Variants in AKIRIN1 observed in about 807,000 individuals in gnomAD.
AKIRIN1 encodes akirin 1.
AKIRIN1 carries 4 observed loss-of-function variants against 25.9 expected under a neutral mutation model. The ratio of observed to expected loss-of-function variants is 0.15; its 90% CI spans 0.08 to 0.35. The LOEUF is 0.35. Ranked by LOEUF, AKIRIN1 falls within the 10% of genes least tolerant of loss-of-function variation. The pLI is 1.00. For missense variants in AKIRIN1, 243 were observed against 266.1 expected (o/e 0.91, Z 0.61); for synonymous variants, 125 against 105.1 (o/e 1.19, Z -1.16).
rs1287827172 is a variant in AKIRIN1 at position 39,005,655 on chromosome 1, G to T, written c.*1600G>T. The T allele has an allele frequency of 6.6e-6, 1 of 152,074 alleles. No homozygotes were observed. Among genetic ancestry groups the T allele is most frequent in the Admixed American group, 6.5e-5 (1 of 15,268 alleles). The allele number at this position is 152,074 out of a possible 1,614,324, so 9.4% of individuals were successfully genotyped here. On this transcript the variant is annotated 3_prime_UTR_variant, in exon 5 of 5. Transcript: ENST00000432648. ...ATTAGGGCTTATTTTGAAAAATTCT[G>T]AGTTTAATTCAAATGTATGCCAATA... is the stretch of plus-strand genomic sequence containing the variant.
At chr1:38,991,651 TGGGGGGGGTGGTG>T (rs1643906767) in intron 1 of AKIRIN1, 51 bp downstream of exon 1, 2 of 159,870 alleles carry the variant, frequency 1.3e-5, no homozygotes, top group Non-Finnish European at 1.7e-5. Flanking sequence ...AGGCATTTTT[TGGGGGGGGTGGTG>T]GGGGAGGGTT....
intron 1 of AKIRIN1, among the ~76,000 whole-genome samples, chr1:38,996,515 G>GT (rs1169768010): frequency 6.7e-5 from 10 of 148,716 alleles, no homozygotes; most frequent in Non-Finnish European, 1.0e-4. Flanking sequence ...TAGCACTCTT[G>GT]TTTTTTTGTT....
At chr1:38,994,755 T>G (rs1287247068) in intron 1 of AKIRIN1, among the ~76,000 whole-genome samples, 1 of 143,142 alleles carries the variant, frequency 7.0e-6, no homozygotes, top group Non-Finnish European at 1.5e-5. Flanking sequence ...AGTAGCATGA[T>G]CTCGGCTCAC....
intron 1 of AKIRIN1, among the ~76,000 whole-genome samples, chr1:38,993,665 G>A (rs939296107): frequency 6.6e-6 from 1 of 151,190 alleles, no homozygotes; most frequent in South Asian, 2.1e-4. Flanking sequence ...TGGGCAAGGC[G>A]TGGTGGCTCA....
rs532618590 is a variant in AKIRIN1, at chr1:39,004,532, G to A, written c.*477G>A. 4.2e-6 allele frequency: 1 copy of A among 239,984 alleles called. No homozygotes were observed. Among genetic ancestry groups the A allele is most frequent in the Non-Finnish European group, 8.3e-6 (1 of 120,070 alleles). The allele number at this position is 239,984 out of a possible 1,614,324, so 14.9% of individuals were successfully genotyped here. A position where few individuals can be genotyped will look rare whatever the true frequency, so the allele number is the denominator to read the frequency against. The stretch of plus-strand genomic sequence containing the variant: ...AAAAACATTTGCTTGGTCTAAAGAA[G>A]ATCATTAATGTTTTGTGACCATACA... On this transcript the variant is annotated 3_prime_UTR_variant, in exon 5 of 5. Coordinates refer to ENST00000432648, the MANE Select transcript of AKIRIN1 (RefSeq NM_024595.3).
Position 39,003,362 on chromosome 1 carries a change from T to C in AKIRIN1, c.512T>C (p.Phe171Ser). ...CTTCTCACAGAACAATATGAATCTT[T>C]TGTGAAATTCACACATGATCAGATT... ...NTKLAEQYESFVKFTHDQIMR... is the reference protein window; with the variant it reads ...NTKLAEQYESSVKFTHDQIMR... The change falls in exon 4 of 5, where the codon TTT becomes TCT. Residue 171 changes from phenylalanine to serine, a missense_variant. Phe to Ser is a radical substitution (Grantham distance 155, BLOSUM62 -2). Coordinates refer to ENST00000432648, the MANE Select transcript of AKIRIN1 (RefSeq NM_024595.3). The C allele has an allele frequency of 6.2e-7, 1 of 1,613,852 alleles. No homozygotes were observed. Among genetic ancestry groups the C allele is most frequent in the Non-Finnish European group, 8.5e-7 (1 of 1,179,956 alleles).
intron 1 of AKIRIN1, among the ~76,000 whole-genome samples, chr1:38,994,699 T>TTTTTTTTG (rs1643934580): frequency 1.1e-5 from 1 of 91,138 alleles, no homozygotes; most frequent in Non-Finnish European, 2.6e-5. Context: ...TTTTTTTTTT[T>TTTTTTTTG]TTTTTTTGAG....
intron 3 of AKIRIN1, among the ~76,000 whole-genome samples, chr1:39,001,489 C>G: frequency 6.6e-6 from 1 of 152,020 alleles, no homozygotes; most frequent in Non-Finnish European, 1.5e-5. Context: ...TGGTCTCAAA[C>G]TCCTGACCTC....
In AKIRIN1 at chr1:39,004,449, A is replaced by T. The variant is rs1282138920; in HGVS notation, c.*394A>T. ...AAGTTATTATTTGTATTGTGCAAAA[A>T]TTTTTTTTTGATCTTGGGGATTCTG... On this transcript the variant is annotated 3_prime_UTR_variant, in exon 5 of 5. Transcript: ENST00000432648. The T allele has an allele frequency of 3.5e-6, 1 of 282,248 alleles. No homozygotes were observed. The highest frequency in any genetic ancestry group is 9.5e-5 in the East Asian group (1 of 10,472). 17.5% of individuals were successfully genotyped at this position (282,248 alleles called of 1,614,324 possible).
intron 1 of AKIRIN1, among the ~76,000 whole-genome samples, chr1:38,992,709 T>C (rs1434844798): frequency 2.0e-5 from 3 of 152,218 alleles, no homozygotes; most frequent in South Asian, 2.1e-4. Flanking sequence ...AAAGGACTTA[T>C]GAACTGTGAC....
chr1:38,995,280 G>A (rs1643939209), intron 1 of AKIRIN1, among the ~76,000 whole-genome samples: 1 of 152,164 alleles, frequency 6.6e-6, no homozygotes, highest in South Asian at 2.1e-4. Flanking sequence ...ATAAATTGAG[G>A]CCACATCTTG....
chr1:38,991,828 A>T (rs911665362), intron 1 of AKIRIN1, among the ~76,000 whole-genome samples: 1 of 151,792 alleles, frequency 6.6e-6, no homozygotes, highest in Admixed American at 6.6e-5. Context: ...GGGGGAGGAG[A>T]GCCTGGAGGG....
At position 39,004,613 on chromosome 1, in the gene AKIRIN1, T is replaced by G. The variant is rs898657016; in HGVS notation, c.*558T>G. 3 of 181,702 alleles carry G rather than the reference T, an allele frequency of 1.7e-5. No individual in the cohort carries two copies. The highest frequency in any genetic ancestry group is 1.1e-4 in the South Asian group (1 of 9,278). 11.3% of individuals were successfully genotyped at this position (181,702 alleles called of 1,614,324 possible). A position where few individuals can be genotyped will look rare whatever the true frequency, so the allele number is the denominator to read the frequency against. On this transcript the variant is annotated 3_prime_UTR_variant, in exon 5 of 5. Coordinates refer to ENST00000432648, the MANE Select transcript of AKIRIN1 (RefSeq NM_024595.3). ...GGTATTGTTAAATACAGGGACTGTT[T>G]CCAGGCACAGAATATGAATCGTAAG...
At position 39,006,000 on chromosome 1, in the gene AKIRIN1, T is replaced by G. The variant is rs1296623446; in HGVS notation, c.*1945T>G. On this transcript the variant is annotated 3_prime_UTR_variant, in exon 5 of 5. Transcript: ENST00000432648. ...ATTGCATTGAAAATTTATGGACCTT[T>G]AAAAAAAAAAGCCCAACAGTGATTT... is the stretch of plus-strand genomic sequence containing the variant. The G allele has an allele frequency of 1.3e-5, 2 of 148,656 alleles. No homozygotes were observed. Among genetic ancestry groups the G allele is most frequent in the Non-Finnish European group, 3.0e-5 (2 of 67,010 alleles). 9.2% of individuals were successfully genotyped at this position (148,656 alleles called of 1,614,324 possible).
chr1:38,999,944 G>A (rs973900808), intron 2 of AKIRIN1, among the ~76,000 whole-genome samples: 13 of 151,700 alleles, frequency 8.6e-5, no homozygotes, highest in South Asian at 6.2e-4. Context: ...GTGCAGTGGC[G>A]TCATCTCAGC....
rs995972877 is a variant in AKIRIN1, at chr1:39,005,346, C to A, written c.*1291C>A. 6.6e-6 allele frequency: 1 copy of A among 150,640 alleles called. No homozygotes were observed. The highest frequency in any genetic ancestry group is 1.5e-5 in the Non-Finnish European group (1 of 67,790). 9.3% of individuals were successfully genotyped at this position (150,640 alleles called of 1,614,324 possible). On this transcript the variant is annotated 3_prime_UTR_variant, in exon 5 of 5. Transcript: ENST00000432648. ...AAACATAGAATTTGGATCCTTTGGTCGGGTTCTCCCAAATTCTTTTGAGGT... is the reference window on the plus strand; with the variant it reads ...AAACATAGAATTTGGATCCTTTGGTAGGGTTCTCCCAAATTCTTTTGAGGT...
At chr1:39,003,325 A>T (rs1218566783) in intron 3 of AKIRIN1, 22 bp from the exon 4 acceptor site, 2 of 1,609,582 alleles carry the variant, frequency 1.2e-6, no homozygotes, top group Non-Finnish European at 1.7e-6. Flanking sequence ...GCTGAGGATA[A>T]GTATGTACTG....
rs1470192566 is a variant in AKIRIN1, at chr1:38,991,606, C to G, written c.220+6C>G. ...GCGGCGCCTTCCAACTCCGGGTAACCTGCCCTGCTCTGGGTTTGGCAGGAA... is the reference window on the plus strand; with the variant it reads ...GCGGCGCCTTCCAACTCCGGGTAACGTGCCCTGCTCTGGGTTTGGCAGGAA... On this transcript the variant is annotated splice_donor_region_variant and intron_variant, in intron 1 of 4. Transcript: ENST00000432648. 5.0e-6 allele frequency: 6 copies of G among 1,204,166 alleles called. No homozygotes were observed. The highest frequency in any genetic ancestry group is 4.6e-5 in the Admixed American group (1 of 21,778). 74.6% of individuals were successfully genotyped at this position (1,204,166 alleles called of 1,614,324 possible).
At chr1:38,993,273 G>A (rs1643922698) in intron 1 of AKIRIN1, among the ~76,000 whole-genome samples, 1 of 152,106 alleles carries the variant, frequency 6.6e-6, no homozygotes, top group Non-Finnish European at 1.5e-5. Context: ...TTTGGGCTGG[G>A]CGAGGTGGCT....
Sources: allele counts gnomAD v4.1 joint callset (sites outside exome capture counted in the v4.1 genomes callset), GRCh38; gene constraint gnomAD v4.1.1; transcripts MANE v1.5; gene names NCBI Gene and HGNC (gene_info 2026-07-23, HGNC 2026-07-21).